The following SYT10 variants were observed in gnomAD, a reference collection of about 807,000 sequenced individuals.
SYT10 encodes synaptotagmin-10.
Under a neutral mutation model 51.1 loss-of-function variants are expected in SYT10, and 31 were observed. The observed-to-expected ratio is 0.61, with a 90% CI of 0.46 to 0.82. The LOEUF is 0.82. Among genes scored for constraint, SYT10 ranks in the 40% least tolerant of loss-of-function variants. SYT10 has a pLI of 0.00. For synonymous variants in SYT10, 233 were observed against 225.9 expected (o/e 1.03, Z -0.28); for missense variants, 603 against 634.0 (o/e 0.95, Z 0.53).
intron 1 of SYT10, among the ~76,000 whole-genome samples, chr12:33,427,709 G>A (rs1258328629): frequency 1.3e-5 from 2 of 152,118 alleles, no homozygotes; most frequent in Non-Finnish European, 2.9e-5. Context: ...GAAATCAAGT[G>A]CTTAATGTGT....
chr12:33,427,789 G>T (rs1013994151), intron 1 of SYT10, among the ~76,000 whole-genome samples: 2 of 152,082 alleles, frequency 1.3e-5, no homozygotes, highest in African/African-American at 4.8e-5. Flanking sequence ...CCTATCAAAA[G>T]ATTAAGTGAG....
At chr12:33,413,113 C>A (rs538282900) in intron 2 of SYT10, among the ~76,000 whole-genome samples, 4 of 151,796 alleles carry the variant, frequency 2.6e-5, no homozygotes, top group Non-Finnish European at 4.4e-5. Context: ...TGAAATGAAG[C>A]GAGAAGAGAA....
At chr12:33,426,055 T>C in intron 2 of SYT10, 83 bp downstream of exon 2, 2 of 1,365,744 alleles carry the variant, frequency 1.5e-6, no homozygotes, top group South Asian at 1.5e-5. Context: ...TTCTCTCTTA[T>C]GAAATTTCAC....
chr12:33,439,363 C>T lies in SYT10; in HGVS notation c.151+9G>A, dbSNP rs372645317. 6.6e-5 allele frequency: 106 copies of T among 1,610,462 alleles called. No homozygotes were observed. The East Asian group carries it at 1.4e-3, about 21-fold the overall frequency. ...AGCGCGAGGACGCGAGCGGAGCCCT[C>T]CCGGTTACCTGTGCTGCTTCCGCCC... is the stretch of plus-strand genomic sequence containing the variant. On this transcript the variant is annotated intron_variant, in intron 1 of 6. Transcript: ENST00000228567.
chr12:33,416,236 ACGCCCCG>A (rs1866452623), intron 2 of SYT10, among the ~76,000 whole-genome samples: 1 of 151,940 alleles, frequency 6.6e-6, no homozygotes, highest in Non-Finnish European at 1.5e-5. Flanking sequence ...GTGTGCCACC[ACGCCCCG>A]CTGATTTTTT....
At chr12:33,379,995 A>G in intron 5 of SYT10, 34 bp from the exon 6 acceptor site, 1 of 1,567,482 alleles carries the variant, frequency 6.4e-7, no homozygotes, top group Non-Finnish European at 8.7e-7. Flanking sequence ...TTTCATTTCC[A>G]ACATTCAAAG....
intron 2 of SYT10, among the ~76,000 whole-genome samples, chr12:33,412,994 T>C (rs1162223065): frequency 2.6e-5 from 4 of 152,204 alleles, no homozygotes; most frequent in Admixed American, 2.6e-4. Flanking sequence ...TTAAATGACC[T>C]GATGGAGCTG....
At chr12:33,398,723 AC>A (rs61342349) in intron 3 of SYT10, among the ~76,000 whole-genome samples, 87,216 of 151,880 alleles carry the variant, frequency 0.57, 25,563 homozygotes, top group East Asian at 0.89. Context: ...CTAAACAATA[AC>A]AAAAACCTAC....
intron 3 of SYT10, among the ~76,000 whole-genome samples, chr12:33,399,476 T>C (rs1216611453): frequency 1.3e-5 from 2 of 152,240 alleles, no homozygotes; most frequent in Non-Finnish European, 2.9e-5. Context: ...TTGTGGGCTA[T>C]TTTATAGCCG....
At chr12:33,386,173 A>C (rs1326467525) in intron 3 of SYT10, among the ~76,000 whole-genome samples, 2 of 152,100 alleles carry the variant, frequency 1.3e-5, no homozygotes, top group African/African-American at 4.8e-5. Flanking sequence ...GGCATGCAAC[A>C]CCACACCTGG....
chr12:33,387,276 A>G (rs1473212172), intron 3 of SYT10, among the ~76,000 whole-genome samples: 1 of 152,204 alleles, frequency 6.6e-6, no homozygotes, highest in South Asian at 2.1e-4. Flanking sequence ...TTTGACCCCC[A>G]GTTTTCTACT....
intron 6 of SYT10, among the ~76,000 whole-genome samples, chr12:33,379,549 C>CAAAAAAAAA (rs71068377): frequency 3.2e-4 from 7 of 22,064 alleles, no homozygotes; most frequent in African/African-American, 4.6e-4. Context: ...TCAGGCTATG[C>CAAAAAAAAA]AAAAAAAAAA....
chr12:33,420,069 T>A (rs1226770927), intron 2 of SYT10, among the ~76,000 whole-genome samples: 3 of 152,118 alleles, frequency 2.0e-5, no homozygotes, highest in Non-Finnish European at 4.4e-5. Context: ...CTCAGCTAGG[T>A]TTTGGAGAAA....
chr12:33,411,763 A>G (rs1174247650), intron 2 of SYT10, among the ~76,000 whole-genome samples: 3 of 152,128 alleles, frequency 2.0e-5, no homozygotes, highest in Non-Finnish European at 2.9e-5. Context: ...GTTTCTTCAG[A>G]TATATGCCAC....
At chr12:33,401,717 T>C (rs1426758573) in intron 3 of SYT10, among the ~76,000 whole-genome samples, 1 of 152,202 alleles carries the variant, frequency 6.6e-6, no homozygotes, top group Non-Finnish European at 1.5e-5. Flanking sequence ...AGCATATCCT[T>C]GTTTATTTGT....
chr12:33,400,465 T>C (rs1372155070), intron 3 of SYT10, among the ~76,000 whole-genome samples: 2 of 152,156 alleles, frequency 1.3e-5, no homozygotes, highest in Non-Finnish European at 2.9e-5. Flanking sequence ...ACCTGACAGA[T>C]GCTTAGTTAG....
In SYT10 at chr12:33,439,351, G is replaced by C. The variant is rs376188207; in HGVS notation, c.151+21C>G. ...GGGTCCCAGCGGAGCGCGAGGACGC[G>C]AGCGGAGCCCTCCCGGTTACCTGTG... On this transcript the variant is annotated intron_variant, in intron 1 of 6. Transcript: ENST00000228567. The C allele has an allele frequency of 3.7e-6, 6 of 1,603,870 alleles. No homozygotes were observed. The African/African-American group carries it at 5.4e-5, about 14-fold the overall frequency.
At chr12:33,382,150 A>G (rs1035869832) in intron 5 of SYT10, among the ~76,000 whole-genome samples, 199 bp downstream of exon 5, 2 of 152,166 alleles carry the variant, frequency 1.3e-5, no homozygotes, top group Non-Finnish European at 2.9e-5. Flanking sequence ...TCCCCGGTGA[A>G]TTTTAATTTA....
chr12:33,431,819 G>A (rs1482989), intron 1 of SYT10, among the ~76,000 whole-genome samples: 49,336 of 152,022 alleles, frequency 0.32, 8,359 homozygotes, highest in Admixed American at 0.4. Context: ...TTGGAAATGG[G>A]TGGTGAAGGT....
Sources: allele counts gnomAD v4.1 joint callset (sites outside exome capture counted in the v4.1 genomes callset), GRCh38; gene constraint gnomAD v4.1.1; transcripts MANE v1.5; gene names NCBI Gene and HGNC (gene_info 2026-07-23, HGNC 2026-07-21).